ZFHX3: variants seen among roughly 807,000 people sequenced by gnomAD.
The protein encoded by ZFHX3 is zinc finger homeobox protein 3.
Under a neutral mutation model 279.1 loss-of-function variants are expected in ZFHX3, and 42 were observed. That is an observed-to-expected ratio of 0.15 (90% CI 0.12 to 0.19). ZFHX3 has a LOEUF of 0.19. Among genes scored for constraint, ZFHX3 ranks in the 10% least tolerant of loss-of-function variants. The probability of loss-of-function intolerance (pLI) is 1.00; values close to 1 mark genes in which losing one functional copy is unlikely to be tolerated. For missense variants in ZFHX3, 4,981 were observed against 4,754.0 expected, an observed-to-expected ratio of 1.05 and a Z score of -1.40; for synonymous variants, 2,293 against 1,957.8, an observed-to-expected ratio of 1.17 and a Z score of -4.52.
At chr16:72,812,807 A>G (rs1023343884) in intron 5 of ZFHX3, among the ~76,000 whole-genome samples, 2 of 152,196 alleles carry the variant, frequency 1.3e-5, no homozygotes, top group African/African-American at 4.8e-5. Context: ...CTATTTAAAG[A>G]GGAGTGGCCC....
chr16:73,102,934 T>A lies in ZFHX3; in HGVS notation c.-896-9336A>T, dbSNP rs1262273407. 2.0e-5 allele frequency among the ~76,000 whole-genome samples: 3 copies of A among 152,152 alleles called. 1 individual carries two copies. The highest frequency in any genetic ancestry group is 2.0e-4 in the Admixed American group (3 of 15,266). On this transcript the variant is annotated intron_variant, in intron 7 of 17. Coordinates refer to the ZFHX3 transcript ENST00000641206. ...TCCTACATTTACATCTTTGTTTGTT[T>A]GTTTTTTTGAGACAGAGTCTCACTC...
intron 2 of ZFHX3, among the ~76,000 whole-genome samples, chr16:73,471,538 A>G (rs1364258791): frequency 6.6e-6 from 1 of 151,968 alleles, no homozygotes; most frequent in East Asian, 1.9e-4. Context: ...CCTCCCAAGT[A>G]GTTGGGATTA....
chr16:73,096,192 T>C (rs1966160464), intron 7 of ZFHX3, among the ~76,000 whole-genome samples: 1 of 152,070 alleles, frequency 6.6e-6, no homozygotes, highest in Admixed American at 6.6e-5. Context: ...TCCGGCTGCC[T>C]GCCCCGAATT....
intron 3 of ZFHX3, among the ~76,000 whole-genome samples, chr16:73,418,520 T>G (rs987457367): frequency 6.6e-6 from 1 of 152,250 alleles, no homozygotes; most frequent in Non-Finnish European, 1.5e-5. Flanking sequence ...TTCTTGGAAA[T>G]GTCCCCTTCA....
intron 2 of ZFHX3, among the ~76,000 whole-genome samples, chr16:73,625,384 T>G (rs1175047439): frequency 6.6e-6 from 1 of 152,216 alleles, no homozygotes; most frequent in African/African-American, 2.4e-5. Flanking sequence ...TTAAGGAAGT[T>G]TAAATGTAAT....
At chr16:73,294,536 C>CGAG (rs1266661860) in intron 4 of ZFHX3, among the ~76,000 whole-genome samples, 4 of 152,198 alleles carry the variant, frequency 2.6e-5, no homozygotes, top group Non-Finnish European at 4.4e-5. Context: ...GGGGGCTGGG[C>CGAG]GAGGTGGCTC....
At chr16:73,115,151 T>C (rs1335903918) in intron 7 of ZFHX3, among the ~76,000 whole-genome samples, 1 of 152,040 alleles carries the variant, frequency 6.6e-6, no homozygotes, top group Admixed American at 6.5e-5. Flanking sequence ...TGGCTGCCCC[T>C]CATCTCCAAG....
intron 2 of ZFHX3, among the ~76,000 whole-genome samples, chr16:73,465,225 G>A (rs1257826859): frequency 6.6e-6 from 1 of 152,232 alleles, no homozygotes; most frequent in East Asian, 1.9e-4. Flanking sequence ...CTGCGCCAAA[G>A]CAGAGGACAG....
chr16:73,170,505 C>G (rs1382670857), intron 5 of ZFHX3, among the ~76,000 whole-genome samples: 1 of 152,052 alleles, frequency 6.6e-6, no homozygotes, highest in African/African-American at 2.4e-5. Flanking sequence ...GCTGGGATTA[C>G]AGGAGTGAGC....
At chr16:73,111,199 C>T (rs753487112) in intron 7 of ZFHX3, among the ~76,000 whole-genome samples, 26 of 152,194 alleles carry the variant, frequency 1.7e-4, no homozygotes, top group Non-Finnish European at 2.9e-4. Flanking sequence ...CCTCAGCCTT[C>T]CAAAGAGTTG....
At chr16:73,234,124 G>A (rs1567425541) in intron 5 of ZFHX3, among the ~76,000 whole-genome samples, 1 of 152,226 alleles carries the variant, frequency 6.6e-6, no homozygotes, top group East Asian at 1.9e-4. Context: ...TCTCCGAGAG[G>A]GAGGGAAAGG....
At chr16:73,475,490 G>A (rs1432748401) in intron 2 of ZFHX3, among the ~76,000 whole-genome samples, 2 of 151,898 alleles carry the variant, frequency 1.3e-5, no homozygotes, top group African/African-American at 2.4e-5. Flanking sequence ...TTGCCTAAAG[G>A]ATGTATATTT....
chr16:73,380,878 G>A (rs2016808582), intron 3 of ZFHX3, among the ~76,000 whole-genome samples: 1 of 152,000 alleles, frequency 6.6e-6, no homozygotes, highest in African/African-American at 2.4e-5. Context: ...TATTCCTGGG[G>A]TCACTCTATC....
intron 1 of ZFHX3, among the ~76,000 whole-genome samples, chr16:73,883,407 G>A (rs1375006757): frequency 1.3e-5 from 2 of 148,458 alleles, no homozygotes; most frequent in African/African-American, 5.2e-5. Context: ...ATATGTGTGT[G>A]TGTGTGTGTG....
intron 5 of ZFHX3, among the ~76,000 whole-genome samples, chr16:73,230,063 A>G (rs922852090): frequency 6.6e-6 from 1 of 152,246 alleles, no homozygotes; most frequent in African/African-American, 2.4e-5. Flanking sequence ...AGACAAGGAG[A>G]TGACAGATAA....
At chr16:73,631,388 A>C (rs563990857) in intron 2 of ZFHX3, among the ~76,000 whole-genome samples, 4 of 152,324 alleles carry the variant, frequency 2.6e-5, no homozygotes, top group African/African-American at 9.6e-5. Flanking sequence ...GCTTCAAACC[A>C]GTAGTTTTTA....
chr16:73,841,521 C>T (rs1181560927), intron 1 of ZFHX3, among the ~76,000 whole-genome samples: 2 of 152,100 alleles, frequency 1.3e-5, no homozygotes, highest in Admixed American at 6.5e-5. Flanking sequence ...CATCTCGGAA[C>T]TGTCAACTTC....
At chr16:73,387,305 G>A (rs1399058569) in intron 3 of ZFHX3, 2 of 152,126 alleles carry the variant, frequency 1.3e-5, no homozygotes, top group Admixed American at 6.5e-5. Flanking sequence ...ATTTCATTCT[G>A]CTTTGTGAAT....
At position 73,697,253 on chromosome 16, in the gene ZFHX3, A is replaced by G. The variant is rs576260407; in HGVS notation, c.-1607-17013T>C. 3.3e-5 allele frequency among the ~76,000 whole-genome samples: 5 copies of G among 151,910 alleles called. No homozygotes were observed. In the South Asian group the frequency reaches 1.0e-3, roughly 32 times the overall value. Reference sequence around the variant, plus strand: ...TTTTTAGCAATAGTAAACAATCTGGAAAGTAGAGATCATGTGAGTGTCACG... The same window carrying G: ...TTTTTAGCAATAGTAAACAATCTGGGAAGTAGAGATCATGTGAGTGTCACG... On this transcript the variant is annotated intron_variant, in intron 1 of 17. Transcript: ENST00000641206.
Sources: gnomAD v4.1 joint callset for allele counts (sites outside exome capture counted in the v4.1 genomes callset) on GRCh38, gnomAD v4.1.1 for gene constraint, MANE v1.5 for transcripts, NCBI Gene and HGNC (gene_info 2026-07-23, HGNC 2026-07-21) for gene names.